Variants in BEND6 observed in about 807,000 individuals in gnomAD.
The protein encoded by BEND6 is BEN domain-containing protein 6.
A neutral mutation model predicts 31.8 loss-of-function variants in BEND6; 24 were observed. The ratio of observed to expected loss-of-function variants is 0.75; its 90% CI spans 0.55 to 1.06. The LOEUF (loss-of-function observed/expected upper bound fraction) is 1.06. Ranked by LOEUF, BEND6 falls within the 50% of genes least tolerant of loss-of-function variation. BEND6 has a pLI of 0.00. For synonymous variants in BEND6, 109 were observed against 114.6 expected, an observed-to-expected ratio of 0.95 and a Z score of 0.31; for missense variants, 294 against 327.4, an observed-to-expected ratio of 0.90 and a Z score of 0.79.
At position 57,015,219 on chromosome 6, in the gene BEND6, G is replaced by T. The variant is rs755909139; in HGVS notation, c.385G>T (p.Ala129Ser). Residue 129 changes from alanine (A) to serine (S), a missense_variant, in exon 4 of 7, where the codon GCA becomes TCA. Physicochemically the swap from Ala to Ser is moderately conservative, Grantham distance 99. Coordinates refer to ENST00000370746, the MANE Select transcript of BEND6 (RefSeq NM_152731.3). ...LKGGGTMSTS[A>S]STLWRATNNS... ...GGGTGGGGGAACCATGTCTACATCT[G>T]CATCCACCCTCTGGAGAGCAACAAA... is the stretch of plus-strand genomic sequence containing the variant. 6.7e-5 allele frequency: 108 copies of T among 1,613,982 alleles called. No individual in the cohort carries two copies. The highest frequency in any genetic ancestry group is 8.5e-5 in the Non-Finnish European group (100 of 1,180,022).
chr6:57,018,922 G>A (rs1211821778), intron 6 of BEND6, among the ~76,000 whole-genome samples: 1 of 152,150 alleles, frequency 6.6e-6, no homozygotes, highest in African/African-American at 2.4e-5. Context: ...CCAAAGGAAG[G>A]ACACATGACA....
At chr6:56,969,073 C>CA (rs56383552) in intron 1 of BEND6, among the ~76,000 whole-genome samples, 2,401 of 130,384 alleles carry the variant, frequency 0.018, 29 homozygotes, top group Non-Finnish European at 0.031. Flanking sequence ...GACTCTGTCT[C>CA]AAAAAAAAAA....
intron 1 of BEND6, among the ~76,000 whole-genome samples, chr6:56,963,351 A>G (rs1825352990): frequency 6.6e-6 from 1 of 152,202 alleles, no homozygotes; most frequent in South Asian, 2.1e-4. Flanking sequence ...TTAGCCTGTG[A>G]GGAATTTACC....
At chr6:56,969,652 C>CT (rs1462271332) in intron 1 of BEND6, among the ~76,000 whole-genome samples, 1 of 151,394 alleles carries the variant, frequency 6.6e-6, no homozygotes, top group Non-Finnish European at 1.5e-5. Context: ...TAATAGAGAA[C>CT]TTATATTTAA....
At chr6:57,008,726 C>T (rs1042570373) in intron 3 of BEND6, 1 of 152,966 alleles carries the variant, frequency 6.5e-6, no homozygotes, top group African/African-American at 2.4e-5. Context: ...CATCTCACCC[C>T]AGGAAGTATG....
At chr6:56,966,865 T>C (rs1313561139) in intron 1 of BEND6, among the ~76,000 whole-genome samples, 2 of 152,080 alleles carry the variant, frequency 1.3e-5, no homozygotes, top group Non-Finnish European at 2.9e-5. Flanking sequence ...ATACTAGGGG[T>C]ATTGATCCAG....
At chr6:56,990,339 C>A (rs1471282705) in intron 2 of BEND6, among the ~76,000 whole-genome samples, 1 of 150,764 alleles carries the variant, frequency 6.6e-6, no homozygotes, top group Non-Finnish European at 1.5e-5. Flanking sequence ...CTCAACCTAC[C>A]AAGCTCAAGC....
At chr6:57,007,367 T>C (rs1258440942) in intron 3 of BEND6, among the ~76,000 whole-genome samples, 3 of 151,468 alleles carry the variant, frequency 2.0e-5, no homozygotes, top group Non-Finnish European at 2.9e-5. Flanking sequence ...CCTCTCGTCC[T>C]ATGCAAAAAT....
chr6:57,000,588 A>G (rs1826895784), intron 3 of BEND6, among the ~76,000 whole-genome samples: 1 of 147,800 alleles, frequency 6.8e-6, no homozygotes, highest in Admixed American at 6.7e-5. Context: ...AAAACAAACA[A>G]AAAAAAAAAA....
intron 1 of BEND6, among the ~76,000 whole-genome samples, chr6:56,966,225 C>T (rs1397177640): frequency 1.3e-5 from 2 of 152,142 alleles, no homozygotes; most frequent in Non-Finnish European, 2.9e-5. Flanking sequence ...CCTCAGCCTC[C>T]AGAGTAGCTG....
intron 3 of BEND6, among the ~76,000 whole-genome samples, chr6:57,012,766 A>G (rs1827391036): frequency 6.6e-6 from 1 of 152,234 alleles, no homozygotes; most frequent in Non-Finnish European, 1.5e-5. Flanking sequence ...AATGACAAGA[A>G]TGATGTATGC....
intron 3 of BEND6, chr6:57,010,867 A>T: frequency 2.9e-6 from 2 of 683,238 alleles, no homozygotes; most frequent in Non-Finnish European, 3.6e-6. Context: ...ATGTGTGTTT[A>T]AAATGTTATA....
chr6:57,023,135 C>T (rs888916216), intron 6 of BEND6, among the ~76,000 whole-genome samples: 3 of 152,084 alleles, frequency 2.0e-5, no homozygotes, highest in African/African-American at 7.2e-5. Flanking sequence ...ATCAGTTTGG[C>T]CTATGTGATC....
At chr6:56,981,647 G>A (rs1592986294) in intron 1 of BEND6, 64 bp from the exon 2 acceptor site, 2 of 652,800 alleles carry the variant, frequency 3.1e-6, no homozygotes. Context: ...TGAGTGGCTA[G>A]TACCATTATG....
chr6:56,957,004 G>A (rs1825107523), intron 1 of BEND6, among the ~76,000 whole-genome samples: 1 of 152,210 alleles, frequency 6.6e-6, no homozygotes, highest in African/African-American at 2.4e-5. Flanking sequence ...GCTTCTCATT[G>A]ACTGAAATTT....
At chr6:56,989,126 A>G (rs1372441292) in intron 2 of BEND6, among the ~76,000 whole-genome samples, 1 of 147,384 alleles carries the variant, frequency 6.8e-6, no homozygotes, top group Non-Finnish European at 1.5e-5. Flanking sequence ...CTATATAAAT[A>G]TATTATATAT....
At chr6:57,010,805 A>G in intron 3 of BEND6, 1 of 813,012 alleles carries the variant, frequency 1.2e-6, no homozygotes, top group Non-Finnish European at 1.5e-6. Context: ...AAATAAATGG[A>G]TAATATACTA....
chr6:57,011,724 A>G (rs941645440), intron 3 of BEND6, among the ~76,000 whole-genome samples: 4 of 148,286 alleles, frequency 2.7e-5, no homozygotes, highest in East Asian at 1.9e-4. Context: ...TCAAAAAAAA[A>G]AAAAAAAAAA....
At chr6:56,996,478 A>AC (rs1826716917) in intron 3 of BEND6, among the ~76,000 whole-genome samples, 1 of 152,048 alleles carries the variant, frequency 6.6e-6, no homozygotes, top group Non-Finnish European at 1.5e-5. Context: ...AACAAAAAAA[A>AC]ACACACAAAA....
Sources: gnomAD v4.1 joint callset for allele counts (sites outside exome capture counted in the v4.1 genomes callset) on GRCh38, gnomAD v4.1.1 for gene constraint, MANE v1.5 for transcripts, NCBI Gene and HGNC (gene_info 2026-07-23, HGNC 2026-07-21) for gene names.